TMEM196: variants seen among roughly 807,000 people sequenced by gnomAD.
The protein encoded by TMEM196 is transmembrane protein 196.
TMEM196 carries 17 observed loss-of-function variants against 20.0 expected under a neutral mutation model. The observed-to-expected ratio is 0.85, with a 90% CI of 0.58 to 1.27. TMEM196 has a LOEUF of 1.27. TMEM196 is among the 50% of genes most tolerant of loss of function. The probability of loss-of-function intolerance (pLI) is 0.00; values close to 1 mark genes in which losing one functional copy is unlikely to be tolerated. For missense variants in TMEM196, 267 were observed against 223.0 expected (o/e 1.20, Z -1.26); for synonymous variants, 113 against 88.9 (o/e 1.27, Z -1.52).
chr7:19,731,204 G>A (rs1784189250), intron 1 of TMEM196, among the ~76,000 whole-genome samples: 1 of 152,116 alleles, frequency 6.6e-6, no homozygotes, highest in South Asian at 2.1e-4. Context: ...TAGCCAAATA[G>A]TTAACATACT....
chr7:19,765,575 A>G (rs1323210026), intron 1 of TMEM196, among the ~76,000 whole-genome samples: 1 of 152,118 alleles, frequency 6.6e-6, no homozygotes, highest in East Asian at 1.9e-4. Flanking sequence ...TTTTTTGAAT[A>G]CTTTGTTTTA....
At chr7:19,746,875 T>C (rs951022940) in intron 1 of TMEM196, among the ~76,000 whole-genome samples, 12 of 152,230 alleles carry the variant, frequency 7.9e-5, no homozygotes, top group Non-Finnish European at 1.6e-4. Context: ...GAAGGAATTA[T>C]TACTGCCTGA....
At chr7:19,742,095 T>C (rs193194499) in intron 1 of TMEM196, among the ~76,000 whole-genome samples, 217 of 152,244 alleles carry the variant, frequency 1.4e-3, no homozygotes, top group African/African-American at 4.9e-3. Flanking sequence ...TCCAGATACT[T>C]TTCGTTCAGT....
chr7:19,767,948 T>G (rs973592666), intron 1 of TMEM196, among the ~76,000 whole-genome samples: 1 of 152,048 alleles, frequency 6.6e-6, no homozygotes, highest in Non-Finnish European at 1.5e-5. Flanking sequence ...CAGCATCTCA[T>G]TTGGATTGCT....
chr7:19,742,981 A>G (rs1411732451), intron 1 of TMEM196, among the ~76,000 whole-genome samples: 5 of 152,144 alleles, frequency 3.3e-5, no homozygotes, highest in Admixed American at 3.3e-4. Flanking sequence ...GCACCTTGTC[A>G]GGAGTCAGTG....
intron 2 of TMEM196, 92 bp from the exon 3 acceptor site, chr7:19,725,860 A>G: frequency 7.1e-7 from 1 of 1,405,748 alleles, no homozygotes; most frequent in Non-Finnish European, 9.5e-7. Context: ...AAGGATGACT[A>G]GCCTACAATA....
chr7:19,754,802 C>T (rs1309028914), intron 1 of TMEM196, among the ~76,000 whole-genome samples: 1 of 152,196 alleles, frequency 6.6e-6, no homozygotes, highest in East Asian at 1.9e-4. Context: ...AGTTGGATCA[C>T]ATGAAATTGT....
chr7:19,761,504 A>G (rs1785433148), intron 1 of TMEM196, among the ~76,000 whole-genome samples: 1 of 148,042 alleles, frequency 6.8e-6, no homozygotes, highest in Non-Finnish European at 1.5e-5. Context: ...AAATCCCAAT[A>G]AAATGTACAA....
At chr7:19,727,807 T>C (rs1179409124) in intron 2 of TMEM196, among the ~76,000 whole-genome samples, 1 of 152,192 alleles carries the variant, frequency 6.6e-6, no homozygotes, top group Non-Finnish European at 1.5e-5. Flanking sequence ...CTCATTAACA[T>C]GTGTTAACAA....
At chr7:19,750,961 G>A (rs1485006747) in intron 1 of TMEM196, among the ~76,000 whole-genome samples, 1 of 152,124 alleles carries the variant, frequency 6.6e-6, no homozygotes, top group Admixed American at 6.5e-5. Context: ...TAAGAGGAAT[G>A]GTTAAAAATG....
At position 19,722,267 on chromosome 7, in the gene TMEM196, G is replaced by C. The variant is rs899858456; in HGVS notation, c.534-133C>G. On this transcript the variant is annotated intron_variant, in intron 4 of 4. Transcript: ENST00000405844. ...AGTTTTGGGGAAAGACAAGGATATTGCTGTTATATTTGAGGAAATAAAATT... is the reference window on the plus strand; with the variant it reads ...AGTTTTGGGGAAAGACAAGGATATTCCTGTTATATTTGAGGAAATAAAATT... The C allele has an allele frequency of 7.4e-6, 5 of 679,668 alleles. No homozygotes were observed. The African/African-American group carries it at 9.5e-5, about 13-fold the overall frequency. 42.1% of individuals were successfully genotyped at this position (679,668 alleles called of 1,614,324 possible). A position where few individuals can be genotyped will look rare whatever the true frequency, so the allele number is the denominator to read the frequency against.
At chr7:19,762,682 C>T (rs745462497) in intron 1 of TMEM196, among the ~76,000 whole-genome samples, 28 of 152,024 alleles carry the variant, frequency 1.8e-4, no homozygotes, top group Admixed American at 1.1e-3. Flanking sequence ...CATGTGGAAA[C>T]TATAATAGGG....
chr7:19,745,827 G>A (rs911341785), intron 1 of TMEM196, among the ~76,000 whole-genome samples: 1 of 150,592 alleles, frequency 6.6e-6, no homozygotes, highest in African/African-American at 2.4e-5. Flanking sequence ...GCTCCTAATT[G>A]AAATTGTCCA....
At chr7:19,771,132 C>G (rs1785860287) in intron 1 of TMEM196, among the ~76,000 whole-genome samples, 1 of 152,104 alleles carries the variant, frequency 6.6e-6, no homozygotes, top group Non-Finnish European at 1.5e-5. Context: ...ACAATAACTA[C>G]AACTCTCCAA....
At chr7:19,737,677 G>T (rs1460516945) in intron 1 of TMEM196, among the ~76,000 whole-genome samples, 1 of 151,872 alleles carries the variant, frequency 6.6e-6, no homozygotes, top group Non-Finnish European at 1.5e-5. Context: ...TTCACTGTAT[G>T]ATTCCAATTC....
At chr7:19,728,985 T>G (rs1784095572) in intron 2 of TMEM196, among the ~76,000 whole-genome samples, 1 of 152,226 alleles carries the variant, frequency 6.6e-6, no homozygotes. Flanking sequence ...AGAAAGCCAA[T>G]AATCCTTAGG....
At chr7:19,726,840 A>G (rs1310330798) in intron 2 of TMEM196, among the ~76,000 whole-genome samples, 6 of 152,166 alleles carry the variant, frequency 3.9e-5, no homozygotes, top group African/African-American at 7.2e-5. Context: ...GAATTATGCA[A>G]TCTAATTTCC....
chr7:19,735,704 G>C (rs1005173655), intron 1 of TMEM196, among the ~76,000 whole-genome samples: 2 of 152,140 alleles, frequency 1.3e-5, no homozygotes, highest in South Asian at 2.1e-4. Context: ...GGTTGAAGGA[G>C]AGCAGGCAAA....
At chr7:19,725,830 G>T in intron 2 of TMEM196, 62 bp from the exon 3 acceptor site, 1 of 1,504,866 alleles carries the variant, frequency 6.6e-7, no homozygotes, top group Non-Finnish European at 8.9e-7. Context: ...GAACACAGTT[G>T]CCCTGTCCGG....
Sources: allele counts gnomAD v4.1 joint callset (sites outside exome capture counted in the v4.1 genomes callset), GRCh38; gene constraint gnomAD v4.1.1; transcripts MANE v1.5; gene names NCBI Gene and HGNC (gene_info 2026-07-23, HGNC 2026-07-21).